ACAA2: variants seen among roughly 807,000 people sequenced by gnomAD.
The protein encoded by ACAA2 is 3-ketoacyl-CoA thiolase, mitochondrial.
A neutral mutation model predicts 44.8 loss-of-function variants in ACAA2; 35 were observed. The observed-to-expected ratio is 0.78, with a 90% CI of 0.60 to 1.04. ACAA2 has a LOEUF of 1.04. Ranked by LOEUF, ACAA2 falls within the 50% of genes least tolerant of loss-of-function variation. The pLI, the probability that ACAA2 is intolerant of heterozygous loss-of-function variation, is 0.00. For missense variants in ACAA2, 468 were observed against 482.6 expected, an observed-to-expected ratio of 0.97 and a Z score of 0.28; for synonymous variants, 142 against 166.5, an observed-to-expected ratio of 0.85 and a Z score of 1.13.
chr18:49,802,534 C>T (rs1347189919), intron 2 of ACAA2, among the ~76,000 whole-genome samples, 153 bp downstream of exon 2: 1 of 145,098 alleles, frequency 6.9e-6, no homozygotes, highest in Non-Finnish European at 1.5e-5. Flanking sequence ...CATACTCCAG[C>T]CTGGCGGCAG....
At chr18:49,795,282 C>T (rs1249627263) in intron 4 of ACAA2, among the ~76,000 whole-genome samples, 1 of 152,098 alleles carries the variant, frequency 6.6e-6, no homozygotes, top group Admixed American at 6.5e-5. Flanking sequence ...ATAAAAGAAT[C>T]AGTTTTTGTT....
intron 2 of ACAA2, 104 bp downstream of exon 2, chr18:49,802,577 AGTCTAT>A: frequency 1.8e-6 from 2 of 1,095,034 alleles, no homozygotes; most frequent in African/African-American, 1.6e-5. Flanking sequence ...AAAAAAAAAA[AGTCTAT>A]AACTATTATT....
In ACAA2 at chr18:49,805,102, T is replaced by G. The variant is rs145075909; in HGVS notation, c.17-2249A>C. ...CTTTGCATATACTAACTTTATTCTC[T>G]CCAAGACAATCTAAGCTCACATTTC... On this transcript the variant is annotated intron_variant, in intron 1 of 9. Coordinates refer to ENST00000285093, the MANE Select transcript of ACAA2 (RefSeq NM_006111.3). Among the ~76,000 whole-genome samples, 8 of 152,302 alleles carry G rather than the reference T, an allele frequency of 5.3e-5. No individual in the cohort carries two copies. The East Asian group carries it at 1.3e-3, about 26-fold the overall frequency.
rs200370995 is a variant in ACAA2 at position 49,802,886 on chromosome 18, A to G, written c.17-33T>C. On this transcript the variant is annotated intron_variant, in intron 1 of 9. Coordinates refer to ENST00000285093, the MANE Select transcript of ACAA2 (RefSeq NM_006111.3). ...AACAAGAAGAGATTTGTAAGCCATC[A>G]CAGGTTAGTAAATACCTCTAAATGC... 94 of 1,612,050 alleles carry G rather than the reference A, an allele frequency of 5.8e-5. No homozygotes were observed. In the Admixed American group the frequency reaches 8.8e-4, roughly 15 times the overall value.
chr18:49,813,487 C>G lies in ACAA2; in HGVS notation c.-3G>C. 8.1e-7 allele frequency: 1 copy of G among 1,241,894 alleles called. No homozygotes were observed. 76.9% of individuals were successfully genotyped at this position (1,241,894 alleles called of 1,614,324 possible). ...CGCTCACCTCGGAGCAGAGCCATGG[C>G]GGCTGCTGGGTCGTCGGCGGCGCGG... On this transcript the variant is annotated 5_prime_UTR_variant, in exon 1 of 10. Transcript: ENST00000285093.
At chr18:49,809,804 T>C (rs947911948) in intron 1 of ACAA2, among the ~76,000 whole-genome samples, 1 of 152,218 alleles carries the variant, frequency 6.6e-6, no homozygotes, top group Admixed American at 6.5e-5. Context: ...CATCGGTCAT[T>C]TGCACATTTG....
At position 49,789,517 on chromosome 18, in the gene ACAA2, G is replaced by C. The variant is rs16951066; in HGVS notation, c.883+1953C>G. Among the ~76,000 whole-genome samples, 908 of 152,242 alleles carry C rather than the reference G, an allele frequency of 6.0e-3. 10 individuals carry two copies. The highest frequency in any genetic ancestry group is 0.02 in the African/African-American group (845 of 41,536). ...CTTTGTACTTTAGGGCAAATATTCA[G>C]GCCCAGGAACAGAAGGAAGGAAAAC... On this transcript the variant is annotated intron_variant, in intron 7 of 9. Coordinates refer to ENST00000285093, the MANE Select transcript of ACAA2 (RefSeq NM_006111.3).
chr18:49,792,309 A>C lies in ACAA2; in HGVS notation c.596T>G (p.Phe199Cys). ...TTCAATTGGTGCCATTTCATCATTAAAGTAGCCAGCATCATTAGCTGAAAA... is the reference window on the plus strand; with the variant it reads ...TTCAATTGGTGCCATTTCATCATTACAGTAGCCAGCATCATTAGCTGAAAA... ...RWKAANDAGYFNDEMAPIEVK... is the reference protein window; with the variant it reads ...RWKAANDAGYCNDEMAPIEVK... Residue 199 changes from phenylalanine to cysteine, a missense_variant, in exon 6 of 10, where the codon TTT becomes TGT. Physicochemically the swap from Phe to Cys is radical, Grantham distance 205 (BLOSUM62 -2). Transcript: ENST00000285093. The C allele has an allele frequency of 6.2e-7, 1 of 1,613,712 alleles. No homozygotes were observed. Among genetic ancestry groups the C allele is most frequent in the Non-Finnish European group, 8.5e-7 (1 of 1,179,826 alleles).
chr18:49,795,658 G>A (rs180931692), intron 4 of ACAA2, 107 bp downstream of exon 4: 14 of 595,144 alleles, frequency 2.4e-5, no homozygotes, highest in East Asian at 1.2e-4. Flanking sequence ...CCTCATCAAC[G>A]AAATTGGCTT....
At chr18:49,789,721 C>T (rs538504423) in intron 7 of ACAA2, among the ~76,000 whole-genome samples, 49 of 150,106 alleles carry the variant, frequency 3.3e-4, no homozygotes, top group Non-Finnish European at 6.5e-4. Flanking sequence ...TGGTGGCTCA[C>T]GCCTGTAATC....
chr18:49,792,444 T>G (rs2023414698), intron 5 of ACAA2, 117 bp from the exon 6 acceptor site: 1 of 951,152 alleles, frequency 1.1e-6, no homozygotes, highest in Middle Eastern at 3.4e-4. Flanking sequence ...ACTTTAATAT[T>G]GAGTCTTTAT....
chr18:49,799,484 T>C (rs574708718), intron 2 of ACAA2, among the ~76,000 whole-genome samples: 1 of 152,348 alleles, frequency 6.6e-6, no homozygotes, highest in East Asian at 1.9e-4. Flanking sequence ...CCCGGGGTGC[T>C]GGGATTGCGG....
chr18:49,791,940 G>T (rs1388786696), intron 6 of ACAA2, among the ~76,000 whole-genome samples: 1 of 152,048 alleles, frequency 6.6e-6, no homozygotes, highest in African/African-American at 2.4e-5. Context: ...TCTTAGTTCT[G>T]AAAAAATTAA....
At chr18:49,804,540 A>G (rs539871197) in intron 1 of ACAA2, among the ~76,000 whole-genome samples, 1 of 152,310 alleles carries the variant, frequency 6.6e-6, no homozygotes, top group African/African-American at 2.4e-5. Flanking sequence ...CATTCTTTCA[A>G]TAGTTTTTTA....
In ACAA2 at chr18:49,785,299, A is replaced by C; in HGVS notation, c.1007T>G (p.Leu336Arg). Residue 336 changes from leucine (L) to arginine (R), a missense_variant, in exon 9 of 10, where the codon CTT becomes CGT. Physicochemically the swap from Leu to Arg is moderately radical, Grantham distance 102. Transcript: ENST00000285093. ...QYLAVERSLDLDISKTNVNGG... is the reference protein window; with the variant it reads ...QYLAVERSLDRDISKTNVNGG... ...ATTCACATTGGTTTTACTTATGTCA[A>C]GATCCAAACTCCTCTCAACAGCCAA... 1.2e-6 allele frequency: 2 copies of C among 1,614,216 alleles called. No individual in the cohort carries two copies. The highest frequency in any genetic ancestry group is 1.7e-6 in the Non-Finnish European group (2 of 1,180,026).
At chr18:49,799,361 C>T (rs557599124) in intron 2 of ACAA2, among the ~76,000 whole-genome samples, 12 of 150,656 alleles carry the variant, frequency 8.0e-5, no homozygotes, top group South Asian at 2.1e-4. Context: ...ATTGCAGGCA[C>T]GCGCCGCCAC....
At chr18:49,784,120 AAAAAC>A (rs1272370812) in intron 9 of ACAA2, among the ~76,000 whole-genome samples, 189 bp from the exon 10 acceptor site, 1 of 151,552 alleles carries the variant, frequency 6.6e-6, no homozygotes, top group African/African-American at 2.4e-5. Flanking sequence ...TTTAATCAAA[AAAAAC>A]AAAAAACAAA....
chr18:49,797,460 C>T lies in ACAA2; in HGVS notation c.312+6G>A, dbSNP rs555951446. The T allele has an allele frequency of 6.2e-7, 1 of 1,602,748 alleles. No homozygotes were observed. The highest frequency in any genetic ancestry group is 2.2e-5 in the East Asian group (1 of 44,768). On this transcript the variant is annotated splice_donor_region_variant and intron_variant, in intron 3 of 9. Transcript: ENST00000285093. ...TTCAGAGAATTTAAAAAAATGTTGT[C>T]CATACCTGACATCCATTCACAATGG... is the stretch of plus-strand genomic sequence containing the variant.
rs767314700 is a variant in ACAA2 at position 49,787,270 on chromosome 18, A to AAAAC, written c.954+20_954+21insGTTT. 3.3e-5 allele frequency: 47 copies of AAAAC among 1,428,756 alleles called. No individual in the cohort carries two copies. The East Asian group carries it at 4.9e-4, about 15-fold the overall frequency. 88.5% of individuals were successfully genotyped at this position (1,428,756 alleles called of 1,614,324 possible). A position where few individuals can be genotyped will look rare whatever the true frequency, so the allele number is the denominator to read the frequency against. ...GTTTATTCATGTTGTTAAAAAAAAA[A>AAAAC]AAAAAAAAAAAAACACTTACCTCTA... On this transcript the variant is annotated intron_variant, in intron 8 of 9. Transcript: ENST00000285093.
Sources: gnomAD v4.1 joint callset for allele counts (sites outside exome capture counted in the v4.1 genomes callset) on GRCh38, gnomAD v4.1.1 for gene constraint, MANE v1.5 for transcripts, NCBI Gene and HGNC (gene_info 2026-07-23, HGNC 2026-07-21) for gene names.